The following SATB2 variants were observed in gnomAD, a reference collection of about 807,000 sequenced individuals.
The protein encoded by SATB2 is DNA-binding protein SATB2.
In SATB2, 1 loss-of-function variant was observed where a neutral mutation model predicts 73.4. The observed-to-expected ratio is 0.01, with a 90% CI of 0.00 to 0.06. The LOEUF (loss-of-function observed/expected upper bound fraction) is 0.06, where lower values mean the gene tolerates loss of function less well. SATB2 is among the 10% of genes least tolerant of loss of function. The pLI is 1.00. For synonymous variants in SATB2, 397 were observed against 367.0 expected (o/e 1.08, Z -0.93); for missense variants, 459 against 945.8 (o/e 0.49, Z 6.75).
At chr2:199,433,643 C>G (rs1691569882) in intron 2 of SATB2, 129 bp from the exon 3 acceptor site, 1 of 862,436 alleles carries the variant, frequency 1.2e-6, no homozygotes, top group African/African-American at 1.7e-5. Context: ...ATTAAACAAG[C>G]CTCTTAGTCA....
At chr2:199,445,491 G>T (rs1691937350) in intron 2 of SATB2, among the ~76,000 whole-genome samples, 1 of 152,186 alleles carries the variant, frequency 6.6e-6, no homozygotes, top group Admixed American at 6.5e-5. Context: ...ATGACCATTT[G>T]TAACAGTGTT....
At chr2:199,293,316 C>T (rs1464048654) in intron 10 of SATB2, among the ~76,000 whole-genome samples, 2 of 151,904 alleles carry the variant, frequency 1.3e-5, no homozygotes. Context: ...TAGCAATAAG[C>T]TGAAAAATGA....
chr2:199,470,255 G>A (rs984123639), intron 1 of SATB2: 1 of 152,266 alleles, frequency 6.6e-6, no homozygotes, highest in Non-Finnish European at 1.5e-5. Context: ...CCACACACAG[G>A]TCGCAGCCCC....
intron 10 of SATB2, among the ~76,000 whole-genome samples, chr2:199,307,753 G>A (rs1161508872): frequency 6.6e-6 from 1 of 152,164 alleles, no homozygotes; most frequent in African/African-American, 2.4e-5. Flanking sequence ...TGAGGGGGGA[G>A]GGAAGGGAAA....
At chr2:199,314,550 G>C (rs1345085506) in intron 9 of SATB2, among the ~76,000 whole-genome samples, 1 of 152,124 alleles carries the variant, frequency 6.6e-6, no homozygotes, top group African/African-American at 2.4e-5. Context: ...CAATGAATGG[G>C]CTAGTACATT....
At chr2:199,386,745 CA>C (rs1559022023) in intron 3 of SATB2, among the ~76,000 whole-genome samples, 5 of 148,664 alleles carry the variant, frequency 3.4e-5, no homozygotes, top group Non-Finnish European at 7.4e-5. Flanking sequence ...CACACACACA[CA>C]CACACACACA....
rs150705690 is a variant in SATB2, at chr2:199,297,626, C to T, written c.1740+11134G>A. ...TTTCCCTTGTTTGAGTCCACCAAGG[C>T]CAGCACAGATCTGCTAATGGGGGAG... On this transcript the variant is annotated intron_variant, in intron 10 of 10. Transcript: ENST00000417098. 6.3e-3 allele frequency among the ~76,000 whole-genome samples: 964 copies of T among 152,248 alleles called. 4 individuals are homozygous for T. The highest frequency in any genetic ancestry group is 0.015 in the South Asian group (72 of 4,824).
At chr2:199,334,808 G>C (rs1688288786) in intron 7 of SATB2, among the ~76,000 whole-genome samples, 1 of 152,040 alleles carries the variant, frequency 6.6e-6, no homozygotes, top group Admixed American at 6.6e-5. Flanking sequence ...TCAGCGACAT[G>C]GCTGTAGAAA....
At chr2:199,300,648 G>A (rs2105756909) in intron 10 of SATB2, among the ~76,000 whole-genome samples, 1 of 152,164 alleles carries the variant, frequency 6.6e-6, no homozygotes, top group East Asian at 1.9e-4. Context: ...TTTACCTATA[G>A]GGAGCATTGG....
At chr2:199,450,649 T>C (rs931574162) in intron 2 of SATB2, among the ~76,000 whole-genome samples, 3 of 152,078 alleles carry the variant, frequency 2.0e-5, no homozygotes, top group African/African-American at 7.2e-5. Flanking sequence ...AAGAAAATAA[T>C]ACTATTTGGA....
intron 3 of SATB2, among the ~76,000 whole-genome samples, chr2:199,427,984 CTTTTT>C (rs928278825): frequency 6.6e-6 from 1 of 151,838 alleles, no homozygotes; most frequent in African/African-American, 2.4e-5. Flanking sequence ...GGTTTCAAAT[CTTTTT>C]TATTTTTGTC....
chr2:199,427,399 T>C (rs896649298), intron 3 of SATB2, among the ~76,000 whole-genome samples: 5 of 151,960 alleles, frequency 3.3e-5, no homozygotes, highest in Admixed American at 2.0e-4. Context: ...CTAATTTGAA[T>C]AAGGCAACAC....
At chr2:199,336,898 G>C (rs1688352918) in intron 7 of SATB2, among the ~76,000 whole-genome samples, 1 of 152,154 alleles carries the variant, frequency 6.6e-6, no homozygotes, top group African/African-American at 2.4e-5. Flanking sequence ...CTATGGCACA[G>C]TCTCCTCACC....
chr2:199,401,652 T>G (rs562398743), intron 3 of SATB2, among the ~76,000 whole-genome samples: 1 of 152,086 alleles, frequency 6.6e-6, no homozygotes, highest in African/African-American at 2.4e-5. Flanking sequence ...TAACCTGCCT[T>G]GCTAAGAGTG....
At chr2:199,285,350 T>C (rs947849756) in intron 10 of SATB2, among the ~76,000 whole-genome samples, 2 of 151,350 alleles carry the variant, frequency 1.3e-5, no homozygotes, top group Middle Eastern at 3.2e-3. Context: ...ACACATGCAT[T>C]ATGATTTGTC....
At chr2:199,278,103 G>A (rs1692372288) in intron 10 of SATB2, among the ~76,000 whole-genome samples, 1 of 152,144 alleles carries the variant, frequency 6.6e-6, no homozygotes. Flanking sequence ...GAAGATTGTG[G>A]GGAGGGGAAG....
At chr2:199,338,905 A>T (rs1574521371) in intron 7 of SATB2, among the ~76,000 whole-genome samples, 1 of 145,634 alleles carries the variant, frequency 6.9e-6, no homozygotes, top group Non-Finnish European at 1.5e-5. Context: ...GTGACAGAGC[A>T]AGACTCTGTC....
chr2:199,435,972 T>TAG (rs1559053833), intron 2 of SATB2, among the ~76,000 whole-genome samples: 1 of 152,188 alleles, frequency 6.6e-6, no homozygotes, highest in African/African-American at 2.4e-5. Flanking sequence ...TAAGGCCATA[T>TAG]AGTCCATGGT....
chr2:199,345,703 A>C lies in SATB2; in HGVS notation c.1173+2998T>G, dbSNP rs534503809. On this transcript the variant is annotated intron_variant, in intron 7 of 10. Coordinates refer to ENST00000417098, the MANE Select transcript of SATB2 (RefSeq NM_001172509.2). ...TTCTCTGCACCCTCCCCAGCAGCCT[A>C]GTTCAAAACCTCTGTACATTTCACC... Among the ~76,000 whole-genome samples, 22 of 152,226 alleles carry C rather than the reference A, an allele frequency of 1.4e-4. No homozygotes were observed. The East Asian group carries it at 2.1e-3, about 15-fold the overall frequency.
Sources: allele counts gnomAD v4.1 joint callset (sites outside exome capture counted in the v4.1 genomes callset), GRCh38; gene constraint gnomAD v4.1.1; transcripts MANE v1.5; gene names NCBI Gene and HGNC (gene_info 2026-07-23, HGNC 2026-07-21).